Variants in BGLAP observed in about 807,000 individuals in gnomAD.
The protein encoded by BGLAP is osteocalcin.
BGLAP carries 15 observed loss-of-function variants against 13.7 expected under a neutral mutation model. The ratio of observed to expected loss-of-function variants is 1.09; its 90% CI spans 0.73 to 1.68. BGLAP has a LOEUF of 1.68. Among genes scored for constraint, BGLAP ranks in the 40% most tolerant of loss-of-function variants. The probability of loss-of-function intolerance (pLI) is 0.00; values close to 1 mark genes in which losing one functional copy is unlikely to be tolerated. For missense variants in BGLAP, 120 were observed against 134.3 expected, an observed-to-expected ratio of 0.89 and a Z score of 0.53; for synonymous variants, 67 against 56.2, an observed-to-expected ratio of 1.19 and a Z score of -0.86.
chr1:156,242,270 C>T lies in BGLAP; in HGVS notation c.39C>T (p.Ala13=), dbSNP rs199903149. The T allele has an allele frequency of 1.2e-4, 189 of 1,613,588 alleles. No individual in the cohort carries two copies. Among genetic ancestry groups the T allele is most frequent in the African/African-American group, 9.5e-4 (71 of 75,030 alleles). ...ALTLLALLAL[A]ALCIAGQAGA... is the part of the protein sequence containing the mutation. ...CACTCCTCGCCCTATTGGCCCTGGC[C>T]GCACTTTGCATCGCTGGCCAGGCAG... is the stretch of plus-strand genomic sequence containing the variant. Residue 13 remains alanine (A), a synonymous_variant, in exon 1 of 4, where the codon GCC becomes GCT. Coordinates refer to ENST00000368272, the MANE Select transcript of BGLAP (RefSeq NM_199173.6).
In BGLAP at chr1:156,242,282, C is replaced by T. The variant is rs748361308; in HGVS notation, c.51C>T (p.Ile17=). The T allele has an allele frequency of 9.9e-6, 16 of 1,613,206 alleles. No homozygotes were observed. Among genetic ancestry groups the T allele is most frequent in the East Asian group, 4.5e-5 (2 of 44,854 alleles). Residue 17 remains isoleucine, a synonymous_variant, in exon 1 of 4, where the codon ATC becomes ATT. Transcript: ENST00000368272. ...TATTGGCCCTGGCCGCACTTTGCAT[C>T]GCTGGCCAGGCAGGTGAGTGCCCCC... ...LALLALAALC[I]AGQAGAKPSG... is the part of the protein sequence containing the mutation.
rs768820324 is a variant in BGLAP at position 156,243,000 on chromosome 1, CG to C, written c.174-28del. ...GGAGAGGAGGGATGGGCATTTTGCA[CG>C]GGGGCTGATGCCACCACGTCGGGTG... is the stretch of plus-strand genomic sequence containing the variant. On this transcript the variant is annotated intron_variant, in intron 3 of 3. Transcript: ENST00000368272. 2.0e-5 allele frequency: 32 copies of C among 1,613,140 alleles called. 1 individual carries two copies. In the East Asian group the frequency reaches 6.9e-4, roughly 35 times the overall value.
At position 156,242,279 on chromosome 1, in the gene BGLAP, C is replaced by T; in HGVS notation, c.48C>T (p.Cys16=). The change falls in exon 1 of 4, where the codon TGC becomes TGT. Residue 16 remains cysteine (C), a synonymous_variant. Transcript: ENST00000368272. ...LLALLALAAL[C]IAGQAGAKPS... ...CCCTATTGGCCCTGGCCGCACTTTG[C>T]ATCGCTGGCCAGGCAGGTGAGTGCC... is the stretch of plus-strand genomic sequence containing the variant. 1 of 1,613,386 alleles carries T rather than the reference C, an allele frequency of 6.2e-7. No homozygotes were observed. The highest frequency in any genetic ancestry group is 1.3e-5 in the African/African-American group (1 of 75,028).
intron 1 of BGLAP, 47 bp downstream of exon 1, chr1:156,242,342 G>A: frequency 3.1e-6 from 5 of 1,601,360 alleles, no homozygotes; most frequent in Non-Finnish European, 4.3e-6. Context: ...TGGGGGCTGA[G>A]AGGAGGAAGC....
intron 2 of BGLAP, 79 bp downstream of exon 2, chr1:156,242,670 ACCT>A: frequency 6.2e-7 from 1 of 1,608,724 alleles, no homozygotes; most frequent in South Asian, 1.1e-5. Context: ...CACTCCTGCC[ACCT>A]CCTGTCTGGC....
chr1:156,242,224 G>C lies in BGLAP; in HGVS notation c.-8G>C. 1 of 1,612,564 alleles carries C rather than the reference G, an allele frequency of 6.2e-7. No individual in the cohort carries two copies. The highest frequency in any genetic ancestry group is 8.5e-7 in the Non-Finnish European group (1 of 1,179,892). ...TGAGCAGCAGCCCAGCGCAGCCACC[G>C]AGACACCATGAGAGCCCTCACACTC... On this transcript the variant is annotated 5_prime_UTR_variant, in exon 1 of 4. Coordinates refer to ENST00000368272, the MANE Select transcript of BGLAP (RefSeq NM_199173.6).
At position 156,242,763 on chromosome 1, in the gene BGLAP, CT is replaced by C. The variant is rs778913988; in HGVS notation, c.108del (p.Phe36LeufsTer10). 32 of 1,595,706 alleles carry C rather than the reference CT, an allele frequency of 2.0e-5. No homozygotes were observed. The highest frequency in any genetic ancestry group is 2.6e-5 in the Non-Finnish European group (30 of 1,169,704). The stretch of plus-strand genomic sequence containing the variant: ...GATGCCTGCCCCTCTGCTCCACAGC[CT>C]TTGTGTCCAAGCAGGAGGGCAGCGA... ...SGAESSKGAA[F>X]VSKQEGSEVV... On this transcript the variant is annotated frameshift_variant and splice_region_variant, in exon 3 of 4. Transcript: ENST00000368272. LOFTEE classifies it high-confidence loss of function.
chr1:156,243,116 A>G lies in BGLAP; in HGVS notation c.257A>G (p.His86Arg). Residue 86 changes from histidine to arginine, a missense_variant, in exon 4 of 4, where the codon CAC becomes CGC. By Grantham distance (29) the His-to-Arg change is conservative. Transcript: ENST00000368272. ...LNPDCDELAD[H>R]IGFQEAYRRF... ...CCGGACTGTGACGAGTTGGCTGACC[A>G]CATCGGCTTTCAGGAGGCCTATCGG... 1 of 1,614,096 alleles carries G rather than the reference A, an allele frequency of 6.2e-7. No homozygotes were observed. Among genetic ancestry groups the G allele is most frequent in the Non-Finnish European group, 8.5e-7 (1 of 1,179,990 alleles).
In BGLAP at chr1:156,242,778, G is replaced by A. The variant is rs746980182; in HGVS notation, c.120G>A (p.Gln40=). Residue 40 remains glutamine (Q), a synonymous_variant, in exon 3 of 4, where the codon CAG becomes CAA. Transcript: ENST00000368272. The stretch of plus-strand genomic sequence containing the variant: ...GCTCCACAGCCTTTGTGTCCAAGCA[G>A]GAGGGCAGCGAGGTAGTGAAGAGAC... ...SSKGAAFVSK[Q]EGSEVVKRPR... 26 of 1,599,276 alleles carry A rather than the reference G, an allele frequency of 1.6e-5. No individual in the cohort carries two copies. Among genetic ancestry groups the A allele is most frequent in the Non-Finnish European group, 2.1e-5 (25 of 1,171,572 alleles).
At position 156,243,102 on chromosome 1, in the gene BGLAP, C is replaced by T. The variant is rs775628553; in HGVS notation, c.243C>T (p.Asp81=). Residue 81 remains aspartate (D), a synonymous_variant, in exon 4 of 4, where the codon GAC becomes GAT. Transcript: ENST00000368272. The part of the protein sequence containing the change: ...REVCELNPDC[D]ELADHIGFQE... Reference sequence around the variant, plus strand: ...TGTGTGAGCTCAATCCGGACTGTGACGAGTTGGCTGACCACATCGGCTTTC... The same window carrying T: ...TGTGTGAGCTCAATCCGGACTGTGATGAGTTGGCTGACCACATCGGCTTTC... The T allele has an allele frequency of 1.9e-5, 31 of 1,614,030 alleles. No homozygotes were observed. Among genetic ancestry groups the T allele is most frequent in the South Asian group, 9.9e-5 (9 of 91,090 alleles).
At chr1:156,242,440 C>T in intron 1 of BGLAP, 113 bp from the exon 2 acceptor site, 1 of 1,546,880 alleles carries the variant, frequency 6.5e-7, no homozygotes, top group Non-Finnish European at 8.7e-7. Context: ...TTTGCCCCAG[C>T]TCTGCCCTTG....
intron 1 of BGLAP, 111 bp from the exon 2 acceptor site, chr1:156,242,442 C>T (rs79995598): frequency 6.5e-7 from 1 of 1,547,468 alleles, no homozygotes; most frequent in East Asian, 2.4e-5. Flanking sequence ...TGCCCCAGCT[C>T]TGCCCTTGCA....
In BGLAP at chr1:156,243,073, G is replaced by T. The variant is rs755333513; in HGVS notation, c.214G>T (p.Glu72Ter). 2 of 1,614,216 alleles carry T rather than the reference G, an allele frequency of 1.2e-6. No individual in the cohort carries two copies. Among genetic ancestry groups the T allele is most frequent in the Non-Finnish European group, 1.7e-6 (2 of 1,180,028 alleles). Reference protein sequence around the residue: ...PYPDPLEPRREVCELNPDCDE... With the variant: ...PYPDPLEPRR ...CCCGGATCCCCTGGAGCCCAGGAGGGAGGTGTGTGAGCTCAATCCGGACTG... is the reference window on the plus strand; with the variant it reads ...CCCGGATCCCCTGGAGCCCAGGAGGTAGGTGTGTGAGCTCAATCCGGACTG... Residue 72 changes from glutamate to a stop codon, truncating the protein, a stop_gained, in exon 4 of 4, where the codon GAG becomes TAG. Coordinates refer to ENST00000368272, the MANE Select transcript of BGLAP (RefSeq NM_199173.6). LOFTEE classifies it high-confidence loss of function.
In BGLAP at chr1:156,242,784, C is replaced by A; in HGVS notation, c.126C>A (p.Gly42=). 6.2e-7 allele frequency: 1 copy of A among 1,600,068 alleles called. No individual in the cohort carries two copies. Residue 42 remains glycine (G), a synonymous_variant, in exon 3 of 4, where the codon GGC becomes GGA. Transcript: ENST00000368272. ...KGAAFVSKQE[G]SEVVKRPRRY... is the part of the protein sequence containing the mutation. ...CAGCCTTTGTGTCCAAGCAGGAGGG[C>A]AGCGAGGTAGTGAAGAGACCCAGGC... is the stretch of plus-strand genomic sequence containing the variant.
In BGLAP at chr1:156,242,748, C is replaced by T. The variant is rs373069010; in HGVS notation, c.104-14C>T. ...AACCCAGAGCCACCTGATGCCTGCCCCTCTGCTCCACAGCCTTTGTGTCCA... is the reference window on the plus strand; with the variant it reads ...AACCCAGAGCCACCTGATGCCTGCCTCTCTGCTCCACAGCCTTTGTGTCCA... On this transcript the variant is annotated splice_polypyrimidine_tract_variant and intron_variant, in intron 2 of 3. Coordinates refer to ENST00000368272, the MANE Select transcript of BGLAP (RefSeq NM_199173.6). 1.3e-6 allele frequency: 2 copies of T among 1,591,114 alleles called. No homozygotes were observed. Among genetic ancestry groups the T allele is most frequent in the Non-Finnish European group, 1.7e-6 (2 of 1,166,894 alleles).
chr1:156,243,227 T>G lies in BGLAP; in HGVS notation c.*65T>G. 6.2e-7 allele frequency: 1 copy of G among 1,600,966 alleles called. No homozygotes were observed. The highest frequency in any genetic ancestry group is 8.5e-7 in the Non-Finnish European group (1 of 1,176,610). On this transcript the variant is annotated 3_prime_UTR_variant, in exon 4 of 4. Transcript: ENST00000368272. ...CTCCTCTCCAGGCACCCTTCTTTCC[T>G]CTTCCCCTTGCCCTTGCCCTGACCT...
At position 156,243,267 on chromosome 1, in the gene BGLAP, T is replaced by C; in HGVS notation, c.*105T>C. ...TGCCCTGACCTCCCAGCCCTATGGA[T>C]GTGGGGTCCCCATCATCCCAGCTGC... On this transcript the variant is annotated 3_prime_UTR_variant, in exon 4 of 4. Transcript: ENST00000368272. 1 of 1,549,840 alleles carries C rather than the reference T, an allele frequency of 6.5e-7. No homozygotes were observed. Among genetic ancestry groups the C allele is most frequent in the East Asian group, 2.3e-5 (1 of 44,102 alleles).
At chr1:156,242,969 G>A in intron 3 of BGLAP, 64 bp from the exon 4 acceptor site, 1 of 1,608,824 alleles carries the variant, frequency 6.2e-7, no homozygotes, top group South Asian at 1.1e-5. Flanking sequence ...GGAGCCCCAT[G>A]TGTAGGGAGA....
At position 156,242,295 on chromosome 1, in the gene BGLAP, G is replaced by A. The variant is rs771350702; in HGVS notation, c.64G>A (p.Gly22Ser). ...CGCACTTTGCATCGCTGGCCAGGCA[G>A]GTGAGTGCCCCCACCTCCCCTCAGG... ...LAALCIAGQA[G>S]AKPSGAESSK... is the part of the protein sequence containing the mutation. Residue 22 changes from glycine to serine, a missense_variant and splice_region_variant, in exon 1 of 4, where the codon GGT becomes AGT. Physicochemically the swap from Gly to Ser is moderately conservative, Grantham distance 56. Coordinates refer to ENST00000368272, the MANE Select transcript of BGLAP (RefSeq NM_199173.6). 43 of 1,612,696 alleles carry A rather than the reference G, an allele frequency of 2.7e-5. No individual in the cohort carries two copies. Among genetic ancestry groups the A allele is most frequent in the Non-Finnish European group, 3.6e-5 (42 of 1,179,750 alleles).
Sources: gnomAD v4.1 joint callset for allele counts on GRCh38, gnomAD v4.1.1 for gene constraint, MANE v1.5 for transcripts, NCBI Gene and HGNC (gene_info 2026-07-23, HGNC 2026-07-21) for gene names.